Variants in MTUS2 observed in about 807,000 individuals in gnomAD.
MTUS2 encodes the protein microtubule-associated tumor suppressor candidate 2.
Under a neutral mutation model 114.1 loss-of-function variants are expected in MTUS2, and 40 were observed. That is an observed-to-expected ratio of 0.35 (90% CI 0.27 to 0.46). The LOEUF is 0.46. MTUS2 is among the 20% of genes least tolerant of loss of function. The probability of loss-of-function intolerance (pLI) is 1.00; values close to 1 mark genes in which losing one functional copy is unlikely to be tolerated. For synonymous variants in MTUS2, 688 were observed against 672.0 expected, an observed-to-expected ratio of 1.02 and a Z score of -0.37; for missense variants, 1,679 against 1,705.4, an observed-to-expected ratio of 0.98 and a Z score of 0.27.
At chr13:28,890,651 TAA>T (rs1878865600) in intron 2 of MTUS2, among the ~76,000 whole-genome samples, 1 of 152,242 alleles carries the variant, frequency 6.6e-6, no homozygotes. Context: ...ACCATTGAAA[TAA>T]AAAGTTACTT....
intron 4 of MTUS2, among the ~76,000 whole-genome samples, chr13:29,040,849 G>C (rs1258881576): frequency 6.6e-6 from 1 of 152,074 alleles, no homozygotes; most frequent in Non-Finnish European, 1.5e-5. Flanking sequence ...ATAGATTCTG[G>C]ATATTAGTCC....
At chr13:29,210,901 C>G (rs1306755106) in intron 5 of MTUS2, among the ~76,000 whole-genome samples, 1 of 152,130 alleles carries the variant, frequency 6.6e-6, no homozygotes, top group Non-Finnish European at 1.5e-5. Context: ...TGTTGGTTGG[C>G]CTCCAGCCAG....
At chr13:29,487,835 A>G in intron 10 of MTUS2, 65 bp from the exon 11 acceptor site, 1 of 1,281,910 alleles carries the variant, frequency 7.8e-7, no homozygotes, top group South Asian at 1.2e-5. Flanking sequence ...TTTTCCACTC[A>G]CGGAATTCCA....
intron 8 of MTUS2, among the ~76,000 whole-genome samples, chr13:29,384,941 G>T (rs547599195): frequency 1.4e-4 from 22 of 152,302 alleles, no homozygotes; most frequent in Non-Finnish European, 2.9e-4. Flanking sequence ...CAGTTGTGAG[G>T]ACTGCTATAT....
At chr13:29,489,014 G>A (rs781506479) in intron 11 of MTUS2, among the ~76,000 whole-genome samples, 22 of 152,178 alleles carry the variant, frequency 1.4e-4, no homozygotes, top group Non-Finnish European at 2.4e-4. Flanking sequence ...GCCGGGAGCC[G>A]TGGCTCACAC....
At chr13:29,123,984 A>G (rs1157819853) in intron 5 of MTUS2, among the ~76,000 whole-genome samples, 1 of 152,174 alleles carries the variant, frequency 6.6e-6, no homozygotes, top group East Asian at 1.9e-4. Context: ...CCATTGCCAA[A>G]TATTTGACTA....
chr13:29,142,102 C>T (rs192438421), intron 5 of MTUS2, among the ~76,000 whole-genome samples: 23 of 152,006 alleles, frequency 1.5e-4, no homozygotes, highest in Admixed American at 5.2e-4. Flanking sequence ...CCTCATGATC[C>T]GCCCGCCTCG....
chr13:28,929,845 CT>C (rs1371951922), intron 2 of MTUS2, among the ~76,000 whole-genome samples: 1 of 152,168 alleles, frequency 6.6e-6, no homozygotes, highest in East Asian at 1.9e-4. Context: ...GGGGACCCCA[CT>C]GTGTAGTATA....
intron 5 of MTUS2, among the ~76,000 whole-genome samples, chr13:29,120,458 A>G (rs1214627256): frequency 6.6e-6 from 1 of 152,096 alleles, no homozygotes; most frequent in Admixed American, 6.5e-5. Context: ...ATATTAAAAT[A>G]TATAATAAAA....
At chr13:28,836,862 T>C (rs138935416) in intron 1 of MTUS2, among the ~76,000 whole-genome samples, 58 of 152,282 alleles carry the variant, frequency 3.8e-4, no homozygotes, top group Non-Finnish European at 6.2e-4. Context: ...CATTTCATAT[T>C]AGGCAGTGGA....
chr13:29,424,039 T>A (rs1418980262), intron 8 of MTUS2, among the ~76,000 whole-genome samples: 2 of 151,756 alleles, frequency 1.3e-5, no homozygotes, highest in East Asian at 1.9e-4. Flanking sequence ...TAATTTTTTT[T>A]TTTTTTTAGT....
At chr13:29,492,742 T>TA (rs750606584) in intron 12 of MTUS2, 23 bp downstream of exon 12, 9 of 1,575,026 alleles carry the variant, frequency 5.7e-6, no homozygotes, top group South Asian at 1.1e-5. Flanking sequence ...TTAATTTTCT[T>TA]ACCTGGTATC....
chr13:28,860,057 T>C (rs1876873319), intron 2 of MTUS2, among the ~76,000 whole-genome samples: 1 of 152,220 alleles, frequency 6.6e-6, no homozygotes, highest in African/African-American at 2.4e-5. Flanking sequence ...AGATAATCTT[T>C]GGCAGGATGG....
At chr13:29,031,089 G>A (rs893905712) in intron 3 of MTUS2, among the ~76,000 whole-genome samples, 2 of 152,102 alleles carry the variant, frequency 1.3e-5, no homozygotes, top group African/African-American at 4.8e-5. Flanking sequence ...GGGAAGAAAG[G>A]GGCTTGGCTG....
chr13:28,922,726 C>A (rs1457269817), intron 2 of MTUS2, among the ~76,000 whole-genome samples: 2 of 152,220 alleles, frequency 1.3e-5, no homozygotes, highest in Non-Finnish European at 2.9e-5. Flanking sequence ...ATTGGCACTT[C>A]AAGACTGTCT....
At position 29,103,125 on chromosome 13, in the gene MTUS2, ACT is replaced by A. The variant is rs1890493545; in HGVS notation, c.2644+2156_2644+2157del. ...TTCACATAGGATTCATTTAAGGAAT[ACT>A]GCTGTAATTAGGGATTATGTCATGC... On this transcript the variant is annotated intron_variant, in intron 5 of 15. Transcript: ENST00000612955. Among the ~76,000 whole-genome samples the A allele has an allele frequency of 2.0e-5, 3 of 152,336 alleles. No homozygotes were observed. In the South Asian group the frequency reaches 6.2e-4, roughly 32 times the overall value.
rs919505649 is a variant in MTUS2, at chr13:29,061,134, T to C, written c.2446+27009T>C. Reference sequence around the variant, plus strand: ...AGTAATTTTGATTGGATGTTGGACATTGTGAATTTTATCTTGTTTGATACT... The same window carrying C: ...AGTAATTTTGATTGGATGTTGGACACTGTGAATTTTATCTTGTTTGATACT... On this transcript the variant is annotated intron_variant, in intron 4 of 15. Coordinates refer to ENST00000612955, the MANE Select transcript of MTUS2 (RefSeq NM_001033602.4). Among the ~76,000 whole-genome samples, 3 of 152,182 alleles carry C rather than the reference T, an allele frequency of 2.0e-5. No individual in the cohort carries two copies. In the East Asian group the frequency reaches 5.8e-4, roughly 29 times the overall value.
intron 2 of MTUS2, among the ~76,000 whole-genome samples, chr13:28,840,994 C>T (rs151187256): frequency 1.1e-4 from 16 of 152,326 alleles, no homozygotes; most frequent in South Asian, 1.0e-3. Flanking sequence ...CTTTCAGATT[C>T]GCCCTACTTT....
intron 2 of MTUS2, among the ~76,000 whole-genome samples, chr13:29,024,124 T>C (rs1236579464): frequency 2.0e-5 from 3 of 152,208 alleles, no homozygotes; most frequent in African/African-American, 7.2e-5. Flanking sequence ...AATTCTATAA[T>C]TTTTTTCTAC....
Sources: gnomAD v4.1 joint callset for allele counts (sites outside exome capture counted in the v4.1 genomes callset) on GRCh38, gnomAD v4.1.1 for gene constraint, MANE v1.5 for transcripts, NCBI Gene and HGNC (gene_info 2026-07-23, HGNC 2026-07-21) for gene names.